Variants in ZNF300 observed in about 807,000 individuals in gnomAD.
ZNF300 encodes the protein zinc finger protein 300.
ZNF300 carries 6 observed loss-of-function variants against 13.9 expected under a neutral mutation model. That is an observed-to-expected ratio of 0.43 (90% CI 0.24 to 0.85). ZNF300 has a LOEUF of 0.85. ZNF300 is among the 40% of genes least tolerant of loss of function. The probability of loss-of-function intolerance (pLI) is 0.25; values close to 1 mark genes in which losing one functional copy is unlikely to be tolerated. For missense variants in ZNF300, 662 were observed against 714.2 expected (o/e 0.93, Z 0.83); for synonymous variants, 237 against 242.2 (o/e 0.98, Z 0.20).
At chr5:150,897,825 G>T in intron 5 of ZNF300, 1 of 425,556 alleles carries the variant, frequency 2.3e-6, no homozygotes, top group Non-Finnish European at 4.1e-6. Flanking sequence ...AAAGGAATTT[G>T]CCTTCTATTG....
In ZNF300 at chr5:150,898,192, A is replaced by T; in HGVS notation, c.143-8T>A. On this transcript the variant is annotated splice_polypyrimidine_tract_variant and splice_region_variant and intron_variant, in intron 4 of 5. Transcript: ENST00000274599. ...GTTTGGAAACTGGATACCCTATTAA[A>T]CAGAAATCACAGAGAATTGAGATTG... is the stretch of plus-strand genomic sequence containing the variant. The T allele has an allele frequency of 6.2e-7, 1 of 1,612,272 alleles. No homozygotes were observed. Among genetic ancestry groups the T allele is most frequent in the Non-Finnish European group, 8.5e-7 (1 of 1,179,302 alleles).
Position 150,895,503 on chromosome 5 carries a change from C to T in ZNF300, c.1736G>A (p.Cys579Tyr). The change falls in exon 6 of 6, where the codon TGT (cysteine) becomes TAT (tyrosine). Residue 579 changes from cysteine (C) to tyrosine (Y), a missense_variant. Transcript: ENST00000274599. ...GATGAAGGCCTTCCCACATATAGCA[C>T]ATTGATAGGGTCTTTCCCCAGTATG... is the stretch of plus-strand genomic sequence containing the variant. ...RIHTGERPYQ[C>Y]AICGKAFIQK... is the part of the protein sequence containing the mutation. 6.2e-7 allele frequency: 1 copy of T among 1,613,538 alleles called. No homozygotes were observed. The highest frequency in any genetic ancestry group is 8.5e-7 in the Non-Finnish European group (1 of 1,179,708).
chr5:150,897,828 T>G (rs72807809), intron 5 of ZNF300: 15 of 439,826 alleles, frequency 3.4e-5, no homozygotes, highest in Non-Finnish European at 5.9e-5. Flanking sequence ...GGAATTTGCC[T>G]TCTATTGCCT....
At chr5:150,903,432 A>G in intron 2 of ZNF300, 2 of 1,343,466 alleles carry the variant, frequency 1.5e-6, no homozygotes, top group Non-Finnish European at 2.1e-6. Context: ...AATTGGATAG[A>G]TGTGAAGATA....
chr5:150,901,743 G>A (rs77599091), intron 3 of ZNF300, among the ~76,000 whole-genome samples: 5,819 of 151,948 alleles, frequency 0.038, 171 homozygotes, highest in East Asian at 0.15. Flanking sequence ...CAACCCTATG[G>A]GGATTATAAT....
rs1468712416 is a variant in ZNF300, at chr5:150,895,794, A to G, written c.1445T>C (p.Ile482Thr). 1.9e-6 allele frequency: 3 copies of G among 1,613,656 alleles called. No individual in the cohort carries two copies. The highest frequency in any genetic ancestry group is 2.5e-6 in the Non-Finnish European group (3 of 1,179,824). The change falls in exon 6 of 6, where the codon ATA (isoleucine) becomes ACA (threonine). Residue 482 changes from isoleucine to threonine, a missense_variant. Coordinates refer to ENST00000274599, the MANE Select transcript of ZNF300 (RefSeq NM_052860.4). ...TTCTCCAGTATGTGTTCTCTGATGT[A>G]TGATGAGCTGTGACTTGCGGGAGAA... is the stretch of plus-strand genomic sequence containing the variant. ...KTFSRKSQLI[I>T]HQRTHTGEKP...
At chr5:150,898,336 T>C in intron 4 of ZNF300, 92 bp downstream of exon 4, 1 of 1,606,420 alleles carries the variant, frequency 6.2e-7, no homozygotes, top group East Asian at 2.2e-5. Flanking sequence ...ATAAAAGTCA[T>C]GACATATGTC....
In ZNF300 at chr5:150,895,684, T is replaced by C; in HGVS notation, c.1555A>G (p.Lys519Glu). ...CCACATTCAGTACATATATAAGGTT[T>C]TTCTCCTGTGTGAATTCTCTGATGT... ...IGHQRIHTGE[K>E]PYICTECGKA... Residue 519 changes from lysine (K) to glutamate (E), a missense_variant, in exon 6 of 6, where the codon AAA (lysine) becomes GAA (glutamate). Physicochemically the swap from Lys to Glu is moderately conservative, Grantham distance 56. Coordinates refer to ENST00000274599, the MANE Select transcript of ZNF300 (RefSeq NM_052860.4). 1 of 1,613,530 alleles carries C rather than the reference T, an allele frequency of 6.2e-7. No individual in the cohort carries two copies. The highest frequency in any genetic ancestry group is 1.1e-5 in the South Asian group (1 of 91,052).
rs151248402 is a variant in ZNF300, at chr5:150,896,856, C to T, written c.383G>A (p.Cys128Tyr). The change falls in exon 6 of 6, where the codon TGT (cysteine) becomes TAT (tyrosine). Residue 128 changes from cysteine (C) to tyrosine (Y), a missense_variant. Transcript: ENST00000274599. ...DGSLCSILKV[C>Y]QGDGQLQRFL... Reference sequence around the variant, plus strand: ...TCTCTGCAGCTGACCATCACCTTGACAGACTTTTAAAATGGAGCACAATGA... The same window carrying T: ...TCTCTGCAGCTGACCATCACCTTGATAGACTTTTAAAATGGAGCACAATGA... The T allele has an allele frequency of 1.2e-6, 2 of 1,613,720 alleles. No homozygotes were observed. The highest frequency in any genetic ancestry group is 1.7e-6 in the Non-Finnish European group (2 of 1,179,754).
At position 150,903,160 on chromosome 5, in the gene ZNF300, T is replaced by C. The variant is rs1172020946; in HGVS notation, c.-5A>G. On this transcript the variant is annotated 5_prime_UTR_variant, in exon 3 of 6. Coordinates refer to ENST00000274599, the MANE Select transcript of ZNF300 (RefSeq NM_052860.4). ...ACTCACCTGGGACTTCATCATTTTT[T>C]GCTCTTCCAAAAGGCCAGATGACTG... The C allele has an allele frequency of 6.2e-7, 1 of 1,614,078 alleles. No individual in the cohort carries two copies.
At position 150,895,886 on chromosome 5, in the gene ZNF300, TTC is replaced by T; in HGVS notation, c.1351_1352del (p.Glu451ThrfsTer15). Reference protein sequence around the residue: ...QCEEAFSRKTELITHQLVHTG... With the variant: ...QCEEAFSRKTXLITHQLVHTG... ...TATGAACTAACTGATGTGTAATGAG[TTC>T]TGTCTTCCTGCTGAAGGCTTCCTCA... On this transcript the variant is annotated frameshift_variant, in exon 6 of 6. Transcript: ENST00000274599. LOFTEE classifies it low-confidence loss of function (END_TRUNC). 6.2e-7 allele frequency: 1 copy of T among 1,613,236 alleles called. No homozygotes were observed. The highest frequency in any genetic ancestry group is 8.5e-7 in the Non-Finnish European group (1 of 1,179,758).
At position 150,895,682 on chromosome 5, in the gene ZNF300, T is replaced by C. The variant is rs1384037268; in HGVS notation, c.1557A>G (p.Lys519=). The change falls in exon 6 of 6, where the codon AAA becomes AAG. Residue 519 remains lysine (K), a synonymous_variant. Coordinates refer to ENST00000274599, the MANE Select transcript of ZNF300 (RefSeq NM_052860.4). ...TCCCACATTCAGTACATATATAAGG[T>C]TTTTCTCCTGTGTGAATTCTCTGAT... is the stretch of plus-strand genomic sequence containing the variant. ...IGHQRIHTGE[K]PYICTECGKA... The C allele has an allele frequency of 1.9e-6, 3 of 1,612,714 alleles. No individual in the cohort carries two copies. The highest frequency in any genetic ancestry group is 2.7e-5 in the African/African-American group (2 of 74,650).
chr5:150,896,484 T>A lies in ZNF300; in HGVS notation c.755A>T (p.Asn252Ile), dbSNP rs371578883. Reference protein sequence around the residue: ...DDNQCGNVFRNTQSLIQYQNV... With the variant: ...DDNQCGNVFRITQSLIQYQNV... ...CTGATATTGAATAAGGGATTGTGTA[T>A]TTCTAAAAACGTTTCCACACTGATT... Residue 252 changes from asparagine to isoleucine, a missense_variant, in exon 6 of 6, where the codon AAT (asparagine) becomes ATT (isoleucine). Transcript: ENST00000274599. The A allele has an allele frequency of 1.1e-5, 17 of 1,613,358 alleles. No individual in the cohort carries two copies. The highest frequency in any genetic ancestry group is 4.5e-5 in the East Asian group (2 of 44,866).
At position 150,896,790 on chromosome 5, in the gene ZNF300, A is replaced by T; in HGVS notation, c.449T>A (p.Phe150Tyr). 1 of 1,613,770 alleles carries T rather than the reference A, an allele frequency of 6.2e-7. No individual in the cohort carries two copies. Among genetic ancestry groups the T allele is most frequent in the Non-Finnish European group, 8.5e-7 (1 of 1,179,772 alleles). The change falls in exon 6 of 6, where the codon TTT (phenylalanine) becomes TAT (tyrosine). Residue 150 changes from phenylalanine (F) to tyrosine (Y), a missense_variant. By Grantham distance (22) the Phe-to-Tyr change is conservative (BLOSUM62 3). Coordinates refer to ENST00000274599, the MANE Select transcript of ZNF300 (RefSeq NM_052860.4). ...NQDKLFRQVT[F>Y]VNSKTVTEAS... Reference sequence around the variant, plus strand: ...CTCAGTCACTGTTTTGCTGTTAACAAATGTGACCTGCCTGAAGAGTTTGTC... The same window carrying T: ...CTCAGTCACTGTTTTGCTGTTAACATATGTGACCTGCCTGAAGAGTTTGTC...
Position 150,895,605 on chromosome 5 carries a change from C to A in ZNF300, c.1634G>T (p.Gly545Val), listed in dbSNP as rs1397403293. ...TTCAGCACATATGTAAGGTTTCTCT[C>A]CTGTATGAATTCGCTGGTGTCCCGG... Reference protein sequence around the residue: ...HLPGHQRIHTGEKPYICAECG... With the variant: ...HLPGHQRIHTVEKPYICAECG... The change falls in exon 6 of 6, where the codon GGA (glycine) becomes GTA (valine). Residue 545 changes from glycine to valine, a missense_variant. By Grantham distance (109) the Gly-to-Val change is moderately radical (BLOSUM62 -3). Transcript: ENST00000274599. 9.9e-6 allele frequency: 16 copies of A among 1,613,314 alleles called. No individual in the cohort carries two copies. In the African/African-American group the frequency reaches 2.0e-4, roughly 20 times the overall value.
intron 3 of ZNF300, among the ~76,000 whole-genome samples, chr5:150,898,819 G>A (rs750493676): frequency 4.6e-5 from 7 of 151,952 alleles, no homozygotes; most frequent in Non-Finnish European, 7.4e-5. Flanking sequence ...TGGATGAATC[G>A]TTTTGAAACA....
Position 150,895,300 on chromosome 5 carries a change from A to G in ZNF300, c.*124T>C, listed in dbSNP as rs1754714355. On this transcript the variant is annotated 3_prime_UTR_variant, in exon 6 of 6. Transcript: ENST00000274599. ...TGGAAAAGTTAGGCATCACCAAACT[A>G]GAAACAAATTCCCTTAAAAATTTTT... 7 of 681,644 alleles carry G rather than the reference A, an allele frequency of 1.0e-5. No individual in the cohort carries two copies. Among genetic ancestry groups the G allele is most frequent in the Non-Finnish European group, 1.6e-5 (7 of 437,748 alleles). The allele number at this position is 681,644 out of a possible 1,614,324, so 42.2% of individuals were successfully genotyped here. A position where few individuals can be genotyped will look rare whatever the true frequency, so the allele number is the denominator to read the frequency against.
intron 1 of ZNF300, among the ~76,000 whole-genome samples, chr5:150,904,247 A>C (rs1338897553): frequency 6.6e-6 from 1 of 151,990 alleles, no homozygotes; most frequent in Non-Finnish European, 1.5e-5. Flanking sequence ...GAACTCAAAC[A>C]GTTGCCTATG....
At position 150,896,932 on chromosome 5, in the gene ZNF300, C is replaced by T. The variant is rs775762950; in HGVS notation, c.307G>A (p.Gly103Arg). ...NLHNSQSCIL[G>R]TVSFHHKILK... is the part of the protein sequence containing the mutation. ...ATCTTATGATGGAAGGAAACTGTCC[C>T]CAAAATACATGACTGGGAGTTGTGA... Residue 103 changes from glycine to arginine, a missense_variant, in exon 6 of 6, where the codon GGG becomes AGG. Gly to Arg is a moderately radical substitution (Grantham distance 125). Transcript: ENST00000274599. 3.7e-6 allele frequency: 6 copies of T among 1,612,970 alleles called. No homozygotes were observed. Among genetic ancestry groups the T allele is most frequent in the Non-Finnish European group, 4.2e-6 (5 of 1,179,526 alleles).
Sources: allele counts gnomAD v4.1 joint callset (sites outside exome capture counted in the v4.1 genomes callset), GRCh38; gene constraint gnomAD v4.1.1; transcripts MANE v1.5; gene names NCBI Gene and HGNC (gene_info 2026-07-23, HGNC 2026-07-21).